GALK2: variants seen among roughly 807,000 people sequenced by gnomAD.
The protein encoded by GALK2 is galactokinase 2, also known as N-acetylgalactosamine kinase.
A neutral mutation model predicts 52.4 loss-of-function variants in GALK2; 36 were observed. The observed-to-expected ratio is 0.69, with a 90% CI of 0.53 to 0.91. GALK2 has a LOEUF of 0.91. Ranked by LOEUF, GALK2 falls within the 40% of genes least tolerant of loss-of-function variation. The probability of loss-of-function intolerance (pLI) is 0.00; values close to 1 mark genes in which losing one functional copy is unlikely to be tolerated. For synonymous variants in GALK2, 176 were observed against 199.1 expected (o/e 0.88, Z 0.98); for missense variants, 579 against 559.1 (o/e 1.04, Z -0.36).
At chr15:49,340,061 G>T (rs2040438908) in intron 3 of GALK2, among the ~76,000 whole-genome samples, 1 of 152,156 alleles carries the variant, frequency 6.6e-6, no homozygotes, top group Admixed American at 6.5e-5. Flanking sequence ...GCTCAGTGGG[G>T]GTGGGACCCG....
At chr15:49,234,144 C>T (rs1358259108) in intron 3 of GALK2, among the ~76,000 whole-genome samples, 2 of 152,222 alleles carry the variant, frequency 1.3e-5, no homozygotes, top group East Asian at 3.8e-4. Flanking sequence ...TTCATTTCCT[C>T]CTCTTTAATT....
intron 2 of GALK2, among the ~76,000 whole-genome samples, chr15:49,207,444 T>C (rs1419940771): frequency 6.6e-6 from 1 of 152,230 alleles, no homozygotes; most frequent in Non-Finnish European, 1.5e-5. Context: ...CTTCTTTGAA[T>C]GTCTGATAGA....
At chr15:49,294,469 G>A (rs2034270374) in intron 8 of GALK2, among the ~76,000 whole-genome samples, 1 of 152,196 alleles carries the variant, frequency 6.6e-6, no homozygotes, top group African/African-American at 2.4e-5. Flanking sequence ...TAATTTGTGT[G>A]TGTGTGTTGT....
At position 49,328,498 on chromosome 15, in the gene GALK2, T is replaced by C. The variant is rs559791513; in HGVS notation, c.*339T>C. On this transcript the variant is annotated 3_prime_UTR_variant, in exon 10 of 10. Transcript: ENST00000560031. ...ATGGATTGGACTTGAATTAAATATATTGTTACAATTAAACTGATACCACTG... is the reference window on the plus strand; with the variant it reads ...ATGGATTGGACTTGAATTAAATATACTGTTACAATTAAACTGATACCACTG... The C allele has an allele frequency of 6.3e-7, 1 of 1,579,934 alleles. No individual in the cohort carries two copies. The highest frequency in any genetic ancestry group is 2.2e-5 in the East Asian group (1 of 44,466).
chr15:49,166,077 C>T (rs932489647), upstream of GALK2, among the ~76,000 whole-genome samples: 7 of 151,942 alleles, frequency 4.6e-5, no homozygotes, highest in African/African-American at 1.7e-4. Context: ...GCTGGAATTA[C>T]ACTGCGCCCG....
chr15:49,328,036 C>T lies in GALK2; in HGVS notation c.1254C>T (p.Pro418=). The change falls in exon 10 of 10, where the codon CCC becomes CCT. Residue 418 remains proline, a synonymous_variant. Coordinates refer to ENST00000560031, the MANE Select transcript of GALK2 (RefSeq NM_002044.4). ...TVSMVPADKL[P]SFLANVHKAY... ...CAATGGTACCTGCGGACAAGCTGCC[C>T]AGCTTTCTAGCAAATGTGCACAAAG... 4 of 1,613,948 alleles carry T rather than the reference C, an allele frequency of 2.5e-6. No homozygotes were observed. Among genetic ancestry groups the T allele is most frequent in the Non-Finnish European group, 1.7e-6 (2 of 1,179,890 alleles).
chr15:49,341,770 A>AT (rs529867056), intron 3 of GALK2, among the ~76,000 whole-genome samples: 106 of 152,102 alleles, frequency 7.0e-4, no homozygotes, highest in African/African-American at 2.4e-3. Context: ...TCTTTTAAAT[A>AT]TTTTTTTCCT....
At chr15:49,342,073 C>T (rs2040820501) in intron 3 of GALK2, among the ~76,000 whole-genome samples, 1 of 151,998 alleles carries the variant, frequency 6.6e-6, no homozygotes, top group South Asian at 2.1e-4. Context: ...TAAATCAAGT[C>T]CTGAGTTTTT....
At chr15:49,263,666 G>GATGGT (rs1027548664) in intron 5 of GALK2, among the ~76,000 whole-genome samples, 1 of 128,640 alleles carries the variant, frequency 7.8e-6, no homozygotes, top group African/African-American at 3.1e-5. Context: ...TCCTAGTCTC[G>GATGGT]ATGGTCTTTA....
chr15:49,215,849 C>G (rs938277972), intron 2 of GALK2, among the ~76,000 whole-genome samples: 1 of 151,956 alleles, frequency 6.6e-6, no homozygotes, highest in Non-Finnish European at 1.5e-5. Flanking sequence ...TCTGTGTAGT[C>G]TGGGCTTGTT....
At chr15:49,346,131 T>C (rs1283522324) in intron 3 of GALK2, among the ~76,000 whole-genome samples, 1 of 152,000 alleles carries the variant, frequency 6.6e-6, no homozygotes, top group Non-Finnish European at 1.5e-5. Flanking sequence ...GGCTGCTTGA[T>C]AGATACCATC....
chr15:49,299,716 T>C (rs2034811749), intron 8 of GALK2, among the ~76,000 whole-genome samples: 1 of 32,664 alleles, frequency 3.1e-5, no homozygotes, highest in African/African-American at 1.4e-4. Flanking sequence ...ATTGCTTTCT[T>C]TCTTTCTTTC....
intron 5 of GALK2, among the ~76,000 whole-genome samples, chr15:49,251,975 G>A (rs866571745): frequency 6.6e-6 from 1 of 151,934 alleles, no homozygotes; most frequent in Non-Finnish European, 1.5e-5. Flanking sequence ...ATAAATATAT[G>A]TATATATTGG....
Position 49,159,590 on chromosome 15 carries a change from A to T in GALK2, c.20+3574A>T, listed in dbSNP as rs12913016. Among the ~76,000 whole-genome samples the T allele has an allele frequency of 2.4e-3, 364 of 151,352 alleles. 4 individuals are homozygous for T. The highest frequency in any genetic ancestry group is 4.2e-3 in the South Asian group (20 of 4,804). Reference sequence around the variant, plus strand: ...GACTCTGTCTCAAAAAAAAAAAAAAAAATAAAATAAAATAAATAATTCCAA... The same window carrying T: ...GACTCTGTCTCAAAAAAAAAAAAAATAATAAAATAAAATAAATAATTCCAA... On this transcript the variant is annotated intron_variant, in intron 1 of 9. Coordinates refer to the GALK2 transcript ENST00000327171.
At chr15:49,332,087 CCACACACA>C (rs377139081), downstream of GALK2, among the ~76,000 whole-genome samples, 273 of 127,974 alleles carry the variant, frequency 2.1e-3, 1 homozygote, top group African/African-American at 4.4e-3. Flanking sequence ...TGCACACGTG[CCACACACA>C]CACACACACA....
intron 9 of GALK2, among the ~76,000 whole-genome samples, chr15:49,320,452 G>A (rs1312237526): frequency 6.6e-6 from 1 of 152,222 alleles, no homozygotes; most frequent in African/African-American, 2.4e-5. Context: ...TGAAAGAATG[G>A]AGATAACAGA....
At position 49,260,795 on chromosome 15, in the gene GALK2, T is replaced by G. The variant is rs2092067454; in HGVS notation, c.505-21192T>G. On this transcript the variant is annotated intron_variant, in intron 5 of 9. Coordinates refer to ENST00000560031, the MANE Select transcript of GALK2 (RefSeq NM_002044.4). ...CAGCTTTCTACATATGGCTAGCCAG[T>G]TTTCCCAGCACCATTTATTAAATAG... Among the ~76,000 whole-genome samples the G allele has an allele frequency of 2.6e-5, 4 of 152,294 alleles. No homozygotes were observed. In the South Asian group the frequency reaches 8.3e-4, roughly 32 times the overall value.
intron 5 of GALK2, among the ~76,000 whole-genome samples, chr15:49,253,268 T>C (rs1445724803): frequency 2.8e-5 from 4 of 144,296 alleles, no homozygotes; most frequent in Non-Finnish European, 4.7e-5. Context: ...GGGAGCCTCA[T>C]AGACTCAGGG....
intron 1 of GALK2, chr15:49,194,983 A>C (rs1028178447): frequency 2.7e-6 from 1 of 369,370 alleles, no homozygotes. Flanking sequence ...ATTTAGTTGA[A>C]TTTGTAAATT....
Sources: gnomAD v4.1 joint callset for allele counts (sites outside exome capture counted in the v4.1 genomes callset) on GRCh38, gnomAD v4.1.1 for gene constraint, MANE v1.5 for transcripts, NCBI Gene and HGNC (gene_info 2026-07-23, HGNC 2026-07-21) for gene names.